The following NLRP14 variants were observed in gnomAD, a reference collection of about 807,000 sequenced individuals.
The protein encoded by NLRP14 is NLR family pyrin domain containing 14, also known as NACHT, LRR and PYD domains-containing protein 14.
A neutral mutation model predicts 94.7 loss-of-function variants in NLRP14; 105 were observed. The ratio of observed to expected loss-of-function variants is 1.11; its 90% CI spans 0.95 to 1.30. The LOEUF is 1.30. Ranked by LOEUF, NLRP14 falls within the 50% of genes most tolerant of loss-of-function variation. The pLI is 0.00. For missense variants in NLRP14, 1,362 were observed against 1,254.1 expected (o/e 1.09, Z -1.30); for synonymous variants, 508 against 459.9 (o/e 1.10, Z -1.34).
chr11:7,081,490 G>T, the NLRP14 span, among the ~76,000 whole-genome samples: 1 of 152,104 alleles, frequency 6.6e-6, no homozygotes, highest in Admixed American at 6.5e-5. Flanking sequence ...GTCTTTATGT[G>T]ATTGGATGCC....
the NLRP14 span, among the ~76,000 whole-genome samples, chr11:7,082,502 T>C: frequency 6.6e-6 from 1 of 152,190 alleles, no homozygotes; most frequent in Non-Finnish European, 1.5e-5. Flanking sequence ...CTAGTTCCAA[T>C]AGCAGGAGCG....
chr11:7,026,441 C>G lies in NLRP14; in HGVS notation c.-22+5671C>G, dbSNP rs373173622. On this transcript the variant is annotated intron_variant, in intron 1 of 11. Transcript: ENST00000299481. ...CACTGGCCATCAGAGAAATGCAAAT[C>G]AAAACCACAGTGAGATACCATCTCA... 2.6e-3 allele frequency among the ~76,000 whole-genome samples: 390 copies of G among 152,258 alleles called. 3 individuals carry two copies. The highest frequency in any genetic ancestry group is 9.2e-3 in the African/African-American group (381 of 41,536).
intron 5 of NLRP14, among the ~76,000 whole-genome samples, chr11:7,047,318 G>GT (rs55966273): frequency 2.8e-5 from 4 of 142,182 alleles, no homozygotes; most frequent in South Asian, 2.2e-4. Flanking sequence ...TACCCCTTTC[G>GT]TTTTTTTTTT....
intron 3 of NLRP14, 29 bp downstream of exon 3, chr11:7,039,814 G>A (rs367780885): frequency 1.2e-5 from 19 of 1,557,016 alleles, no homozygotes; most frequent in Non-Finnish European, 1.6e-5. Flanking sequence ...CATCAGATTT[G>A]GGAGGCATTC....
the NLRP14 span, chr11:7,089,701 C>G: frequency 3.9e-6 from 6 of 1,519,976 alleles, no homozygotes; most frequent in Non-Finnish European, 8.8e-7. Flanking sequence ...TCAGGCCCAC[C>G]GCGCCGGGAG....
chr11:7,039,842 C>A (rs141712941), intron 3 of NLRP14, 57 bp downstream of exon 3: 2 of 1,290,904 alleles, frequency 1.5e-6, no homozygotes, highest in East Asian at 4.6e-5. Flanking sequence ...TGATACAGGA[C>A]GGTGATTTAT....
Position 7,071,322 on chromosome 11 carries a change from A to G in NLRP14, c.*14A>G, listed in dbSNP as rs750751314. The G allele has an allele frequency of 7.5e-6, 12 of 1,604,798 alleles. No individual in the cohort carries two copies. In the African/African-American group the frequency reaches 1.6e-4, roughly 21 times the overall value. On this transcript the variant is annotated 3_prime_UTR_variant, in exon 12 of 12. Coordinates refer to ENST00000299481, the MANE Select transcript of NLRP14 (RefSeq NM_176822.4). ...TGGTGTTTCTGATTTGAAGAAACTG[A>G]CATTCCTTTAAAAATATAAATATAA...
At chr11:7,089,469 G>A in the NLRP14 span, 1 of 1,274,644 alleles carries the variant, frequency 7.8e-7, no homozygotes, top group Non-Finnish European at 9.9e-7. Context: ...GGGTGGCGGC[G>A]GCCCGCGGCG....
the NLRP14 span, among the ~76,000 whole-genome samples, chr11:7,077,044 T>C: frequency 7.9e-5 from 12 of 152,134 alleles, 1 homozygote; most frequent in Admixed American, 7.9e-4. Context: ...AACACCTAGC[T>C]CTCTGGAGAC....
chr11:7,037,810 G>A (rs190808244), intron 1 of NLRP14, among the ~76,000 whole-genome samples: 2 of 152,266 alleles, frequency 1.3e-5, no homozygotes, highest in East Asian at 1.9e-4. Context: ...ACAAAGCCTG[G>A]GGTGAGAGCA....
chr11:7,050,627 G>A (rs746349568), intron 6 of NLRP14, among the ~76,000 whole-genome samples: 9 of 152,164 alleles, frequency 5.9e-5, no homozygotes, highest in South Asian at 4.1e-4. Flanking sequence ...ATCTGTATTT[G>A]TAGGAAGCAA....
At position 7,043,344 on chromosome 11, in the gene NLRP14, T is replaced by TA. The variant is rs747884836; in HGVS notation, c.1319dup (p.Tyr440Ter). Residue 440 changes from tyrosine (Y) to a stop codon, truncating the protein, a stop_gained and frameshift_variant, in exon 4 of 12, where the codon TAC (tyrosine) becomes TAAC (stop). Transcript: ENST00000299481. LOFTEE classifies it high-confidence loss of function. ...VAAKGIWTMT[Y>*]VFYRENLRRL... The stretch of plus-strand genomic sequence containing the variant: ...TGCCAAAGGAATATGGACTATGACT[T>TA]ACGTGTTTTACAGAGAAAATCTCAG... 1 of 1,614,192 alleles carries TA rather than the reference T, an allele frequency of 6.2e-7. No homozygotes were observed. Among genetic ancestry groups the TA allele is most frequent in the Non-Finnish European group, 8.5e-7 (1 of 1,180,032 alleles).
At chr11:7,090,172 C>T in the NLRP14 span, 3 of 1,613,860 alleles carry the variant, frequency 1.9e-6, no homozygotes, top group Non-Finnish European at 2.5e-6. Context: ...CGTGGGCTCT[C>T]TCTGTCCATG....
chr11:7,090,504 T>G, the NLRP14 span: 1 of 669,562 alleles, frequency 1.5e-6, no homozygotes, highest in Non-Finnish European at 2.6e-6. Context: ...TTGTTAACGT[T>G]TCTTTCAACA....
In NLRP14 at chr11:7,038,778, ATAT is replaced by A. The variant is rs1321236649; in HGVS notation, c.196_198del (p.Tyr66del). ...AGGACCTGGCCAATTTGATGAAGAAATATTATCCAGGAGAGAAAGCCTGGAGTG... is the reference window on the plus strand; with the variant it reads ...AGGACCTGGCCAATTTGATGAAGAAATATCCAGGAGAGAAAGCCTGGAGTG... On this transcript the variant is annotated inframe_deletion, in exon 2 of 12. Transcript: ENST00000299481. 3 of 1,613,394 alleles carry A rather than the reference ATAT, an allele frequency of 1.9e-6. No homozygotes were observed. Among genetic ancestry groups the A allele is most frequent in the Non-Finnish European group, 2.5e-6 (3 of 1,179,876 alleles).
chr11:7,029,416 TATAAG>T (rs1300764626), intron 1 of NLRP14, among the ~76,000 whole-genome samples: 4 of 152,212 alleles, frequency 2.6e-5, no homozygotes, highest in Non-Finnish European at 5.9e-5. Flanking sequence ...CCAGGTTTCT[TATAAG>T]ATCTCTCTGA....
chr11:7,069,337 G>T (rs184163193), intron 10 of NLRP14, among the ~76,000 whole-genome samples: 1 of 152,138 alleles, frequency 6.6e-6, no homozygotes, highest in African/African-American at 2.4e-5. Context: ...GTACTCAGTT[G>T]TTCAATGGCC....
At chr11:7,072,586 G>A (rs1388026775), downstream of NLRP14, among the ~76,000 whole-genome samples, 1 of 152,080 alleles carries the variant, frequency 6.6e-6, no homozygotes, top group Non-Finnish European at 1.5e-5. Context: ...GCGGGTTGTT[G>A]CTTGATTACC....
chr11:7,089,730 G>C, the NLRP14 span: 1 of 1,534,888 alleles, frequency 6.5e-7, no homozygotes, highest in East Asian at 2.5e-5. Context: ...CCCGCGCCGC[G>C]ACCCCTACCT....
Sources: allele counts gnomAD v4.1 joint callset (sites outside exome capture counted in the v4.1 genomes callset), GRCh38; gene constraint gnomAD v4.1.1; transcripts MANE v1.5; gene names NCBI Gene and HGNC (gene_info 2026-07-23, HGNC 2026-07-21).